RAPGEF5: variants seen among roughly 807,000 people sequenced by gnomAD.
The protein encoded by RAPGEF5 is Rap guanine nucleotide exchange factor 5.
RAPGEF5 carries 65 observed loss-of-function variants against 125.2 expected under a neutral mutation model. That is an observed-to-expected ratio of 0.52 (90% CI 0.43 to 0.64). RAPGEF5 has a LOEUF of 0.64. Among genes scored for constraint, RAPGEF5 ranks in the 30% least tolerant of loss-of-function variants. The pLI is 0.00. For missense variants in RAPGEF5, 958 were observed against 1,048.1 expected (o/e 0.91, Z 1.19); for synonymous variants, 391 against 385.9 (o/e 1.01, Z -0.16).
At chr7:22,176,024 T>C (rs534309771) in intron 11 of RAPGEF5, among the ~76,000 whole-genome samples, 59 of 152,280 alleles carry the variant, frequency 3.9e-4, no homozygotes, top group South Asian at 2.7e-3. Context: ...GGGTAATCTA[T>C]AAAGGAAAGA....
At chr7:22,215,163 T>C (rs1190348761) in intron 9 of RAPGEF5, among the ~76,000 whole-genome samples, 1 of 152,164 alleles carries the variant, frequency 6.6e-6, no homozygotes, top group East Asian at 1.9e-4. Context: ...CCAATCTCAT[T>C]TCTCATGAAA....
chr7:22,260,721 T>A (rs376135954), intron 7 of RAPGEF5, among the ~76,000 whole-genome samples: 1 of 152,094 alleles, frequency 6.6e-6, no homozygotes, highest in East Asian at 1.9e-4. Context: ...AAATACACAT[T>A]TAAAAAATCC....
At chr7:22,202,318 A>G (rs1287727246) in intron 9 of RAPGEF5, among the ~76,000 whole-genome samples, 2 of 152,206 alleles carry the variant, frequency 1.3e-5, no homozygotes, top group East Asian at 1.9e-4. Flanking sequence ...CTGAGTTCAC[A>G]GCTGCAGACA....
chr7:22,243,877 G>C (rs1786403360), intron 7 of RAPGEF5, among the ~76,000 whole-genome samples: 1 of 152,074 alleles, frequency 6.6e-6, no homozygotes, highest in Non-Finnish European at 1.5e-5. Context: ...GGAAAAGTTA[G>C]TCCTCCTATC....
At chr7:22,293,434 C>G (rs1390645331) in intron 5 of RAPGEF5, among the ~76,000 whole-genome samples, 1 of 152,142 alleles carries the variant, frequency 6.6e-6, no homozygotes. Flanking sequence ...CTCTCACTTC[C>G]CTTCCTTCCC....
rs188801115 is a variant in RAPGEF5, at chr7:22,201,490, T to A, written c.997-7457A>T. On this transcript the variant is annotated intron_variant, in intron 9 of 25. Coordinates refer to ENST00000665637, the MANE Select transcript of RAPGEF5 (RefSeq NM_012294.5). ...GTGTTAAGTTTTCATTAATTTAGAC[T>A]ACACCATATTGGTCATGTATTTCTT... Among the ~76,000 whole-genome samples the A allele has an allele frequency of 3.9e-5, 6 of 152,360 alleles. No individual in the cohort carries two copies. In the East Asian group the frequency reaches 9.6e-4, roughly 24 times the overall value.
chr7:22,202,578 T>A (rs539081542), intron 9 of RAPGEF5, among the ~76,000 whole-genome samples: 3 of 152,192 alleles, frequency 2.0e-5, no homozygotes, highest in African/African-American at 7.2e-5. Context: ...TAGATAAATC[T>A]AATTTGTTTA....
intron 9 of RAPGEF5, chr7:22,202,884 T>C: frequency 2.9e-6 from 1 of 345,666 alleles, no homozygotes; most frequent in Non-Finnish European, 5.8e-6. Flanking sequence ...TAGACCCAGT[T>C]GAATACTGGA....
chr7:22,315,641 C>T (rs2128154481), intron 2 of RAPGEF5, among the ~76,000 whole-genome samples, 165 bp from the exon 3 acceptor site: 1 of 150,354 alleles, frequency 6.7e-6, no homozygotes, highest in South Asian at 2.1e-4. Flanking sequence ...TTAGCCAATA[C>T]AGCTATAAAC....
At chr7:22,218,807 G>T (rs1477880936) in intron 9 of RAPGEF5, among the ~76,000 whole-genome samples, 1 of 152,128 alleles carries the variant, frequency 6.6e-6, no homozygotes, top group Admixed American at 6.6e-5. Context: ...GTCAATAGTC[G>T]CCTCTGAAAT....
chr7:22,356,361 A>G, intron 1 of RAPGEF5: 1 of 548,698 alleles, frequency 1.8e-6, no homozygotes, highest in Non-Finnish European at 2.3e-6. Context: ...GGCGGTGGAG[A>G]CCACCAAAAC....
chr7:22,345,518 A>T (rs1027235466), intron 1 of RAPGEF5, among the ~76,000 whole-genome samples: 7 of 151,986 alleles, frequency 4.6e-5, no homozygotes, highest in African/African-American at 1.7e-4. Context: ...TGAGTCTATT[A>T]AAAAAAAGAC....
chr7:22,212,211 A>G (rs567489451), intron 9 of RAPGEF5, among the ~76,000 whole-genome samples: 9 of 152,074 alleles, frequency 5.9e-5, no homozygotes, highest in South Asian at 4.2e-4. Flanking sequence ...TTGACCTCGT[A>G]ATCCACCCGC....
chr7:22,333,084 C>A (rs1394457723), intron 1 of RAPGEF5, among the ~76,000 whole-genome samples: 1 of 152,152 alleles, frequency 6.6e-6, no homozygotes, highest in East Asian at 1.9e-4. Flanking sequence ...TTATGTGATA[C>A]AGATATATAT....
At chr7:22,319,095 C>A (rs1005602628) in intron 1 of RAPGEF5, among the ~76,000 whole-genome samples, 9 of 152,126 alleles carry the variant, frequency 5.9e-5, no homozygotes, top group African/African-American at 1.9e-4. Flanking sequence ...GGAAACAGCA[C>A]CATCACCTAC....
intron 11 of RAPGEF5, among the ~76,000 whole-genome samples, chr7:22,173,564 G>A (rs1784415328): frequency 6.6e-6 from 1 of 152,104 alleles, no homozygotes; most frequent in South Asian, 2.1e-4. Flanking sequence ...GACAGGGCTT[G>A]GGGACACTCT....
intron 8 of RAPGEF5, among the ~76,000 whole-genome samples, chr7:22,224,774 A>G (rs1344191515): frequency 4.0e-5 from 6 of 150,524 alleles, no homozygotes; most frequent in African/African-American, 1.5e-4. Flanking sequence ...GCTCCCACAG[A>G]CTCGATTTGG....
At chr7:22,259,642 T>C (rs766045071) in intron 7 of RAPGEF5, among the ~76,000 whole-genome samples, 2 of 152,126 alleles carry the variant, frequency 1.3e-5, no homozygotes, top group Non-Finnish European at 2.9e-5. Context: ...ATCCAGACAG[T>C]GGAATATTAT....
chr7:22,332,842 G>A (rs886154499), intron 1 of RAPGEF5, among the ~76,000 whole-genome samples: 3 of 152,112 alleles, frequency 2.0e-5, no homozygotes, highest in African/African-American at 4.8e-5. Flanking sequence ...ACCCTTCTAC[G>A]CCTGAGGGAG....
Sources: allele counts gnomAD v4.1 joint callset (sites outside exome capture counted in the v4.1 genomes callset), GRCh38; gene constraint gnomAD v4.1.1; transcripts MANE v1.5; gene names NCBI Gene and HGNC (gene_info 2026-07-23, HGNC 2026-07-21).